The following CDH20 variants were observed in gnomAD, a reference collection of about 807,000 sequenced individuals.
CDH20 encodes cadherin-20.
In CDH20, 29 loss-of-function variants were observed where a neutral mutation model predicts 74.2. The ratio of observed to expected loss-of-function variants is 0.39; its 90% CI spans 0.29 to 0.53. The LOEUF (loss-of-function observed/expected upper bound fraction) is 0.53, where lower values mean the gene tolerates loss of function less well. Ranked by LOEUF, CDH20 falls within the 20% of genes least tolerant of loss-of-function variation. CDH20 has a pLI of 0.69. For missense variants in CDH20, 988 were observed against 1,048.3 expected (o/e 0.94, Z 0.79); for synonymous variants, 469 against 405.4 (o/e 1.16, Z -1.88).
intron 1 of CDH20, among the ~76,000 whole-genome samples, chr18:61,350,892 T>A (rs529596288): frequency 6.6e-6 from 1 of 152,272 alleles, no homozygotes; most frequent in Non-Finnish European, 1.5e-5. Context: ...ATGCCTTTCA[T>A]TGGCCAGAAC....
In CDH20 at chr18:61,493,858, AAT is replaced by A. The variant is rs1249838810; in HGVS notation, c.246+3060_246+3061del. Among the ~76,000 whole-genome samples, 22 of 152,248 alleles carry A rather than the reference AAT, an allele frequency of 1.4e-4. 1 individual carries two copies. In the South Asian group the frequency reaches 4.6e-3, roughly 32 times the overall value. Reference sequence around the variant, plus strand: ...TCAGTAATTACTTATGTGCACATAAAATTTAGGGCTCTCTTCCCTCCTCCCAA... The same window carrying A: ...TCAGTAATTACTTATGTGCACATAAATTAGGGCTCTCTTCCCTCCTCCCAA... On this transcript the variant is annotated intron_variant, in intron 2 of 11. Coordinates refer to ENST00000262717, the MANE Select transcript of CDH20 (RefSeq NM_031891.4).
intron 11 of CDH20, among the ~76,000 whole-genome samples, chr18:61,552,481 A>T (rs1351592749): frequency 6.6e-6 from 1 of 151,984 alleles, no homozygotes; most frequent in African/African-American, 2.4e-5. Flanking sequence ...CTCCATGACC[A>T]TCAGAATTCT....
intron 1 of CDH20, among the ~76,000 whole-genome samples, chr18:61,437,741 T>C (rs1204757630): frequency 6.6e-6 from 1 of 152,120 alleles, no homozygotes; most frequent in Non-Finnish European, 1.5e-5. Flanking sequence ...AGTTCGTGTA[T>C]AAAATGAGAG....
intron 5 of CDH20, among the ~76,000 whole-genome samples, chr18:61,503,762 C>T (rs552352100): frequency 6.6e-6 from 1 of 152,254 alleles, no homozygotes; most frequent in East Asian, 1.9e-4. Context: ...GCATTTGCTG[C>T]CACTTGAACA....
At position 61,353,747 on chromosome 18, in the gene CDH20, A is replaced by G. The variant is rs1910389496; in HGVS notation, c.-153+19920A>G. Among the ~76,000 whole-genome samples the G allele has an allele frequency of 6.6e-6, 1 of 152,134 alleles. No individual in the cohort carries two copies. The highest frequency in any genetic ancestry group is 1.5e-5 in the Non-Finnish European group (1 of 68,030). On this transcript the variant is annotated intron_variant, in intron 1 of 11. Transcript: ENST00000262717. The surrounding 1 kb of genome is among the most constrained non-coding windows in gnomAD (Gnocchi z 4.6). The stretch of plus-strand genomic sequence containing the variant: ...TACAGCAGCTACTAACTACACAAGG[A>G]CGTTCAGCTTTAAACTTATGTTAAT...
intron 6 of CDH20, among the ~76,000 whole-genome samples, chr18:61,514,977 G>A (rs1911935912): frequency 1.3e-5 from 2 of 151,766 alleles, no homozygotes; most frequent in Admixed American, 6.6e-5. Context: ...TGCCCCCAGA[G>A]GTGGAGCCTA....
intron 6 of CDH20, among the ~76,000 whole-genome samples, chr18:61,516,683 G>T (rs929700006): frequency 3.3e-5 from 5 of 151,868 alleles, no homozygotes; most frequent in Non-Finnish European, 7.4e-5. Flanking sequence ...AAAATAAAAA[G>T]GACACAAACT....
At chr18:61,338,535 T>A (rs1381407595) in intron 1 of CDH20, among the ~76,000 whole-genome samples, 1 of 152,178 alleles carries the variant, frequency 6.6e-6, no homozygotes, top group Non-Finnish European at 1.5e-5. Flanking sequence ...GTTTTTAGCT[T>A]AAGAGATCAT....
Position 61,333,591 on chromosome 18 carries a change from T to A in CDH20, c.-389T>A, listed in dbSNP as rs1263943085. The A allele has an allele frequency of 6.9e-6, 1 of 145,374 alleles. No individual in the cohort carries two copies. The highest frequency in any genetic ancestry group is 7.3e-5 in the Admixed American group (1 of 13,696). The allele number at this position is 145,374 out of a possible 1,614,324, so 9.0% of individuals were successfully genotyped here. A position where few individuals can be genotyped will look rare whatever the true frequency, so the allele number is the denominator to read the frequency against. ...TCGGCGGGGTTGGTGCACTTGGCAG[T>A]ACCCCCCAACTCCTGGCAACCGCAC... On this transcript the variant is annotated 5_prime_UTR_variant, in exon 1 of 12. Transcript: ENST00000262717.
chr18:61,367,783 C>T (rs2144148403), intron 1 of CDH20, among the ~76,000 whole-genome samples: 1 of 152,226 alleles, frequency 6.6e-6, no homozygotes, highest in Middle Eastern at 3.4e-3. Context: ...GGTTAGAAGT[C>T]CAACCTCCAG....
intron 1 of CDH20, among the ~76,000 whole-genome samples, chr18:61,357,436 T>C (rs912521441): frequency 2.0e-5 from 3 of 152,126 alleles, no homozygotes; most frequent in African/African-American, 7.2e-5. Flanking sequence ...AGGTTGACAG[T>C]ACAGGGCAGA....
intron 1 of CDH20, among the ~76,000 whole-genome samples, chr18:61,392,302 A>G (rs1351105820): frequency 1.3e-5 from 2 of 151,990 alleles, no homozygotes; most frequent in African/African-American, 4.8e-5. Context: ...TTATGCACTC[A>G]GCACAGATGT....
intron 1 of CDH20, among the ~76,000 whole-genome samples, chr18:61,426,931 T>C (rs968933374): frequency 1.1e-4 from 17 of 152,058 alleles, no homozygotes; most frequent in African/African-American, 3.9e-4. Flanking sequence ...GGGTCTGTGG[T>C]CAGTTAAGTG....
intron 3 of CDH20, 40 bp downstream of exon 3, chr18:61,499,520 CTA>C: frequency 3.6e-6 from 5 of 1,376,712 alleles, no homozygotes; most frequent in Non-Finnish European, 4.0e-6. Context: ...ATAGCACCTC[CTA>C]TATATATACA....
At chr18:61,424,420 G>C (rs963355673) in intron 1 of CDH20, among the ~76,000 whole-genome samples, 2 of 152,198 alleles carry the variant, frequency 1.3e-5, no homozygotes, top group Admixed American at 1.3e-4. Context: ...GTCTCTCTGA[G>C]CATTGGAAAG....
chr18:61,516,945 C>T (rs1912022149), intron 6 of CDH20, among the ~76,000 whole-genome samples: 1 of 152,034 alleles, frequency 6.6e-6, no homozygotes, highest in South Asian at 2.1e-4. Flanking sequence ...AGACAATAAT[C>T]TTAGATAGTT....
chr18:61,504,870 G>C (rs1911504698), intron 5 of CDH20, among the ~76,000 whole-genome samples: 1 of 151,836 alleles, frequency 6.6e-6, no homozygotes, highest in Non-Finnish European at 1.5e-5. Flanking sequence ...GTCCCCATGA[G>C]CATTCATGAT....
intron 1 of CDH20, among the ~76,000 whole-genome samples, chr18:61,476,744 A>T (rs1910402919): frequency 6.6e-6 from 1 of 152,166 alleles, no homozygotes; most frequent in Non-Finnish European, 1.5e-5. Context: ...AACAGTTCTC[A>T]TTCCTGATGG....
intron 1 of CDH20, among the ~76,000 whole-genome samples, chr18:61,463,293 A>C (rs1242971019): frequency 1.3e-5 from 2 of 152,134 alleles, no homozygotes; most frequent in Non-Finnish European, 2.9e-5. Context: ...CCTCAAGAGA[A>C]TCAATGGCTG....
Sources: allele counts gnomAD v4.1 joint callset (sites outside exome capture counted in the v4.1 genomes callset), GRCh38; gene constraint gnomAD v4.1.1; non-coding constraint Gnocchi (gnomAD v3.1); transcripts MANE v1.5; gene names NCBI Gene and HGNC (gene_info 2026-07-23, HGNC 2026-07-21).